The following RAI14 variants were observed in gnomAD, a reference collection of about 807,000 sequenced individuals.
RAI14 encodes ankycorbin.
Under a neutral mutation model 115.4 loss-of-function variants are expected in RAI14, and 45 were observed. That is an observed-to-expected ratio of 0.39 (90% CI 0.31 to 0.50). The LOEUF is 0.50. RAI14 is among the 20% of genes least tolerant of loss of function. The pLI is 0.85. For missense variants in RAI14, 939 were observed against 1,131.2 expected (o/e 0.83, Z 2.44); for synonymous variants, 371 against 415.4 (o/e 0.89, Z 1.30).
chr5:34,803,711 G>C lies in RAI14; in HGVS notation c.257-1G>C. 6.2e-7 allele frequency: 1 copy of C among 1,606,998 alleles called. No individual in the cohort carries two copies. The highest frequency in any genetic ancestry group is 8.5e-7 in the Non-Finnish European group (1 of 1,176,464). On this transcript the variant is annotated splice_acceptor_variant, in intron 4 of 17. Transcript: ENST00000265109. LOFTEE classifies it high-confidence loss of function. ...ATTATTATTTGAAAAAATCCATTTA[G>C]GACACAGCGCCTTACATCTCGCAGC...
intron 3 of RAI14, among the ~76,000 whole-genome samples, chr5:34,780,628 A>G (rs1448772341): frequency 2.0e-5 from 3 of 152,258 alleles, no homozygotes; most frequent in Non-Finnish European, 4.4e-5. Flanking sequence ...AAAAATGCTC[A>G]TCATCACTGG....
At chr5:34,703,861 A>G (rs1206093890) in intron 2 of RAI14, among the ~76,000 whole-genome samples, 1 of 152,182 alleles carries the variant, frequency 6.6e-6, no homozygotes, top group Non-Finnish European at 1.5e-5. Flanking sequence ...AGCCTCGTAA[A>G]TTGCCCTAAA....
chr5:34,735,178 C>CATAGAAAAAATATGGACTG (rs1353586368), intron 2 of RAI14, among the ~76,000 whole-genome samples: 5 of 152,084 alleles, frequency 3.3e-5, no homozygotes, highest in Non-Finnish European at 7.4e-5. Context: ...TTGCTATATG[C>CATAGAAAAAATATGGACTG]ATAGAAAAAA....
intron 3 of RAI14, among the ~76,000 whole-genome samples, chr5:34,792,734 TA>T (rs1283520441): frequency 6.6e-6 from 1 of 152,236 alleles, no homozygotes; most frequent in Non-Finnish European, 1.5e-5. Flanking sequence ...GCATGCAGTG[TA>T]AAATCAAAGC....
chr5:34,810,525 A>T (rs1470565973), intron 7 of RAI14, among the ~76,000 whole-genome samples: 1 of 152,134 alleles, frequency 6.6e-6, no homozygotes, highest in Non-Finnish European at 1.5e-5. Context: ...TTATATTTTG[A>T]TACATAGCAA....
intron 5 of RAI14, 96 bp downstream of exon 5, chr5:34,803,872 T>A: frequency 9.2e-7 from 1 of 1,081,212 alleles, no homozygotes; most frequent in African/African-American, 1.6e-5. Flanking sequence ...CCATACACAC[T>A]CCTTTAAATA....
At chr5:34,744,147 A>C (rs532080210) in intron 2 of RAI14, among the ~76,000 whole-genome samples, 1 of 152,350 alleles carries the variant, frequency 6.6e-6, no homozygotes, top group East Asian at 1.9e-4. Context: ...GTGTCCTTGG[A>C]TAATAGCCAG....
intron 2 of RAI14, among the ~76,000 whole-genome samples, chr5:34,737,602 T>A (rs114867472): frequency 0.17 from 23,646 of 141,790 alleles, 2,288 homozygotes; most frequent in Non-Finnish European, 0.21. Context: ...AAAAAAAAAA[T>A]TTAAAAATTA....
chr5:34,754,573 A>AGCC (rs1448160257), intron 2 of RAI14, among the ~76,000 whole-genome samples: 2 of 131,706 alleles, frequency 1.5e-5, no homozygotes, highest in Admixed American at 7.5e-5. Flanking sequence ...GCTTACTGTG[A>AGCC]ACCCCATCTG....
intron 4 of RAI14, among the ~76,000 whole-genome samples, chr5:34,796,412 A>AT (rs1369454814): frequency 6.6e-6 from 1 of 151,760 alleles, no homozygotes; most frequent in African/African-American, 2.4e-5. Context: ...AAAAAAAAAA[A>AT]ATTAGAGTCT....
At chr5:34,665,265 C>A (rs1194901049) in intron 1 of RAI14, among the ~76,000 whole-genome samples, 1 of 140,994 alleles carries the variant, frequency 7.1e-6, no homozygotes, top group Non-Finnish European at 1.5e-5. Context: ...CACGTTTTTG[C>A]AATCAGTTTG....
chr5:34,824,509 G>C lies in RAI14; in HGVS notation c.2649+18G>C, dbSNP rs1486422125. On this transcript the variant is annotated intron_variant, in intron 15 of 17. Coordinates refer to ENST00000265109, the MANE Select transcript of RAI14 (RefSeq NM_015577.3). ...ATAAAAAGGTTGGTGAAACTGTATT[G>C]CTGTTGGGTTTCTAGCAATAAGTCT... The C allele has an allele frequency of 6.5e-7, 1 of 1,530,656 alleles. No individual in the cohort carries two copies. Among genetic ancestry groups the C allele is most frequent in the Non-Finnish European group, 8.8e-7 (1 of 1,140,984 alleles). 94.8% of individuals were successfully genotyped at this position (1,530,656 alleles called of 1,614,324 possible).
intron 3 of RAI14, among the ~76,000 whole-genome samples, chr5:34,776,288 G>A (rs1476323859): frequency 6.6e-6 from 1 of 152,048 alleles, no homozygotes; most frequent in Non-Finnish European, 1.5e-5. Context: ...GGGGAAAGTG[G>A]GGAGGTTAAT....
chr5:34,696,969 A>G (rs1434156651), intron 2 of RAI14, among the ~76,000 whole-genome samples: 1 of 151,864 alleles, frequency 6.6e-6, no homozygotes, highest in Non-Finnish European at 1.5e-5. Context: ...TATCTCTACT[A>G]AAAATACAAA....
intron 1 of RAI14, among the ~76,000 whole-genome samples, chr5:34,662,419 T>C (rs998511520): frequency 3.9e-5 from 6 of 151,986 alleles, no homozygotes; most frequent in Non-Finnish European, 8.8e-5. Flanking sequence ...AGTATAGGAG[T>C]TGACAAAACA....
intron 4 of RAI14, among the ~76,000 whole-genome samples, chr5:34,796,978 A>G (rs535215879): frequency 6.6e-6 from 1 of 152,304 alleles, no homozygotes; most frequent in Admixed American, 6.5e-5. Flanking sequence ...CAGTGTTGAC[A>G]AAAGATGAAC....
chr5:34,717,218 C>T (rs10941216), intron 2 of RAI14, among the ~76,000 whole-genome samples: 34,989 of 151,946 alleles, frequency 0.23, 4,098 homozygotes, highest in African/African-American at 0.28. Flanking sequence ...AAAGAGTTAC[C>T]GCAAAAAAGT....
intron 3 of RAI14, among the ~76,000 whole-genome samples, chr5:34,785,091 A>G (rs1478461172): frequency 6.6e-6 from 1 of 152,108 alleles, no homozygotes; most frequent in Non-Finnish European, 1.5e-5. Context: ...TTTCAGGGGG[A>G]AAATGTTGGA....
chr5:34,813,610 G>C lies in RAI14; in HGVS notation c.802G>C (p.Gly268Arg). ...CTCTAAAATAAGCTCAGAAAGAAGT[G>C]GAACTCCAAAAAAACGCAAAGCTCC... ...QVSKISSERS[G>R]TPKKRKAPPP... Residue 268 changes from glycine to arginine, a missense_variant, in exon 11 of 18, where the codon GGA (glycine) becomes CGA (arginine). Gly to Arg is a moderately radical substitution (Grantham distance 125, BLOSUM62 -2). Coordinates refer to ENST00000265109, the MANE Select transcript of RAI14 (RefSeq NM_015577.3). 6.2e-7 allele frequency: 1 copy of C among 1,613,170 alleles called. No individual in the cohort carries two copies. The highest frequency in any genetic ancestry group is 1.3e-5 in the African/African-American group (1 of 74,968).
Sources: allele counts gnomAD v4.1 joint callset (sites outside exome capture counted in the v4.1 genomes callset), GRCh38; gene constraint gnomAD v4.1.1; transcripts MANE v1.5; gene names NCBI Gene and HGNC (gene_info 2026-07-23, HGNC 2026-07-21).